Variants in SNTB1 observed in about 807,000 individuals in gnomAD.
SNTB1 encodes beta-1-syntrophin.
Under a neutral mutation model 48.9 loss-of-function variants are expected in SNTB1, and 36 were observed. That is an observed-to-expected ratio of 0.74 (90% CI 0.56 to 0.97). SNTB1 has a LOEUF of 0.97. Among genes scored for constraint, SNTB1 ranks in the 50% least tolerant of loss-of-function variants. SNTB1 has a pLI of 0.00. For missense variants in SNTB1, 786 were observed against 703.4 expected, an observed-to-expected ratio of 1.12 and a Z score of -1.33; for synonymous variants, 299 against 294.6, an observed-to-expected ratio of 1.01 and a Z score of -0.15.
At chr8:120,798,937 C>A (rs1465392055) in intron 1 of SNTB1, among the ~76,000 whole-genome samples, 1 of 152,058 alleles carries the variant, frequency 6.6e-6, no homozygotes, top group Non-Finnish European at 1.5e-5. Flanking sequence ...AGGTTGCTTA[C>A]AGAAAATACC....
intron 2 of SNTB1, among the ~76,000 whole-genome samples, chr8:120,688,609 G>A (rs1327201611): frequency 1.3e-5 from 2 of 152,084 alleles, no homozygotes; most frequent in African/African-American, 4.8e-5. Flanking sequence ...GACACAGAAG[G>A]TATAACAAGA....
At chr8:120,594,381 G>C (rs1816291031) in intron 3 of SNTB1, among the ~76,000 whole-genome samples, 1 of 152,170 alleles carries the variant, frequency 6.6e-6, no homozygotes, top group African/African-American at 2.4e-5. Flanking sequence ...GGGATTACAG[G>C]CATGCGCCAC....
At chr8:120,739,188 C>G (rs1474634465) in intron 1 of SNTB1, among the ~76,000 whole-genome samples, 1 of 152,130 alleles carries the variant, frequency 6.6e-6, no homozygotes. Context: ...TATTTAAAAG[C>G]CTTCTCTTTT....
intron 1 of SNTB1, among the ~76,000 whole-genome samples, chr8:120,801,352 G>A (rs2130178777): frequency 6.6e-6 from 1 of 152,020 alleles, no homozygotes; most frequent in East Asian, 1.9e-4. Context: ...ATCCGTAATG[G>A]CTTCTCTGGT....
chr8:120,577,846 GTC>G (rs1815976132), intron 3 of SNTB1, among the ~76,000 whole-genome samples: 1 of 152,214 alleles, frequency 6.6e-6, no homozygotes, highest in East Asian at 1.9e-4. Context: ...ACATTTTGCA[GTC>G]TATTGAAGAG....
chr8:120,575,344 CA>C, intron 3 of SNTB1, 119 bp from the exon 4 acceptor site: 1 of 1,106,258 alleles, frequency 9.0e-7, no homozygotes. Context: ...GGTTTGGTTG[CA>C]AAATCAAAAT....
intron 3 of SNTB1, among the ~76,000 whole-genome samples, chr8:120,605,626 A>T (rs961887608): frequency 2.6e-5 from 4 of 152,178 alleles, no homozygotes; most frequent in Non-Finnish European, 1.5e-5. Flanking sequence ...ATGGTGATGA[A>T]GATGACATAT....
In SNTB1 at chr8:120,811,890, A is replaced by T. The variant is rs1820445313; in HGVS notation, c.-47T>A. On this transcript the variant is annotated 5_prime_UTR_variant, in exon 1 of 7. Transcript: ENST00000517992. ...CCATGTGATTGGAAAAGGGGGGAAA[A>T]GTGGGGAAGGGTGGCCGGGGGGAGG... The T allele has an allele frequency of 5.4e-6, 7 of 1,293,574 alleles. No individual in the cohort carries two copies. The highest frequency in any genetic ancestry group is 6.9e-6 in the Non-Finnish European group (7 of 1,021,756). The allele number at this position is 1,293,574 out of a possible 1,614,324, so 80.1% of individuals were successfully genotyped here.
chr8:120,803,598 G>A (rs556194578), intron 1 of SNTB1, among the ~76,000 whole-genome samples: 1 of 152,272 alleles, frequency 6.6e-6, no homozygotes, highest in African/African-American at 2.4e-5. Flanking sequence ...TCAGCTAGAA[G>A]CTTTTCACAA....
chr8:120,580,681 G>A (rs1485807900), intron 3 of SNTB1, among the ~76,000 whole-genome samples: 1 of 152,200 alleles, frequency 6.6e-6, no homozygotes, highest in South Asian at 2.1e-4. Context: ...GTTGCTAGGT[G>A]TTTAGCACAA....
chr8:120,737,261 A>T (rs1026400648), intron 1 of SNTB1, among the ~76,000 whole-genome samples: 1 of 152,154 alleles, frequency 6.6e-6, no homozygotes, highest in African/African-American at 2.4e-5. Context: ...AATTTTCCTA[A>T]AAGTATTGGG....
At chr8:120,552,171 T>C (rs1423727810) in intron 4 of SNTB1, among the ~76,000 whole-genome samples, 1 of 152,180 alleles carries the variant, frequency 6.6e-6, no homozygotes, top group Non-Finnish European at 1.5e-5. Context: ...CCAGAGAGAC[T>C]ATAAAATTGA....
At chr8:120,642,150 C>T (rs1817206107) in intron 2 of SNTB1, among the ~76,000 whole-genome samples, 1 of 152,148 alleles carries the variant, frequency 6.6e-6, no homozygotes, top group Non-Finnish European at 1.5e-5. Context: ...AAAAAAAGGA[C>T]TGAGCTTAGT....
intron 2 of SNTB1, among the ~76,000 whole-genome samples, chr8:120,680,485 A>G (rs1242467990): frequency 1.3e-5 from 2 of 152,226 alleles, no homozygotes; most frequent in African/African-American, 2.4e-5. Context: ...TACACACCTT[A>G]TATGTCCACA....
intron 5 of SNTB1, among the ~76,000 whole-genome samples, chr8:120,547,369 A>G (rs865880903): frequency 3.3e-5 from 5 of 152,190 alleles, no homozygotes; most frequent in Middle Eastern, 6.8e-3. Flanking sequence ...GTCAAGGCAC[A>G]TAGATCACTT....
At chr8:120,761,566 C>T (rs1014067838) in intron 1 of SNTB1, among the ~76,000 whole-genome samples, 1 of 152,066 alleles carries the variant, frequency 6.6e-6, no homozygotes, top group South Asian at 2.1e-4. Flanking sequence ...TATTTTTGAT[C>T]ATTTAAAATT....
chr8:120,711,136 G>A (rs191798245), intron 1 of SNTB1, among the ~76,000 whole-genome samples: 2 of 152,210 alleles, frequency 1.3e-5, no homozygotes, highest in Admixed American at 6.5e-5. Flanking sequence ...GAAACAAAAC[G>A]AGAGTTTTAA....
chr8:120,788,834 T>C (rs894364328), intron 1 of SNTB1, among the ~76,000 whole-genome samples: 16 of 151,966 alleles, frequency 1.1e-4, no homozygotes, highest in African/African-American at 3.4e-4. Flanking sequence ...GACAGAACAT[T>C]GAGGCAGAAA....
chr8:120,670,722 G>A, intron 2 of SNTB1, among the ~76,000 whole-genome samples: 1 of 152,176 alleles, frequency 6.6e-6, no homozygotes, highest in Non-Finnish European at 1.5e-5. Context: ...TCAAAAGGAG[G>A]GGCAAGATTT....
Sources: allele counts gnomAD v4.1 joint callset (sites outside exome capture counted in the v4.1 genomes callset), GRCh38; gene constraint gnomAD v4.1.1; transcripts MANE v1.5; gene names NCBI Gene and HGNC (gene_info 2026-07-23, HGNC 2026-07-21).